PROZ: variants seen among roughly 807,000 people sequenced by gnomAD.
PROZ encodes vitamin K-dependent protein Z.
In PROZ, 46 loss-of-function variants were observed where a neutral mutation model predicts 34.9. That is an observed-to-expected ratio of 1.32 (90% CI 1.04 to 1.69). PROZ has a LOEUF of 1.69. Among genes scored for constraint, PROZ ranks in the 40% most tolerant of loss-of-function variants. The probability of loss-of-function intolerance (pLI) is 0.00; values close to 1 mark genes in which losing one functional copy is unlikely to be tolerated. For synonymous variants in PROZ, 195 were observed against 208.5 expected (o/e 0.94, Z 0.56); for missense variants, 530 against 520.4 (o/e 1.02, Z -0.18).
rs765665231 is a variant in PROZ, at chr13:113,171,729, C to A, written c.827C>A (p.Ala276Glu). The change falls in exon 8 of 8, where the codon GCG becomes GAG. Residue 276 changes from alanine (A) to glutamate (E), a missense_variant. Transcript: ENST00000375547. The surrounding 1 kb of genome is among the most constrained non-coding windows in gnomAD (Gnocchi z 5.1). The part of the protein sequence containing the change: ...ELEWPIQCPG[A>E]GLPVCTPEKD... ...GAGTGGCCCATCCAGTGCCCAGGTG[C>A]GGGGCTCCCCGTGTGCACCCCTGAG... is the stretch of plus-strand genomic sequence containing the variant. 5 of 1,612,004 alleles carry A rather than the reference C, an allele frequency of 3.1e-6. No individual in the cohort carries two copies. In the Admixed American group the frequency reaches 6.7e-5, roughly 22 times the overall value.
chr13:113,159,052 G>C lies in PROZ; in HGVS notation c.70+322G>C. On this transcript the variant is annotated intron_variant, in intron 1 of 7. Transcript: ENST00000375547. This position sits in a 1 kb window ranked among gnomAD's most constrained non-coding sequence, Gnocchi z 4.6. ...GGGAGGCCTGGGTTGGGCATTGGAC[G>C]AGGGGAGGGGGTGGGGCAGGCTGAG... is the stretch of plus-strand genomic sequence containing the variant. The C allele has an allele frequency of 2.9e-6, 2 of 683,100 alleles. No homozygotes were observed. The allele number at this position is 683,100 out of a possible 1,614,324, so 42.3% of individuals were successfully genotyped here.
At chr13:113,163,419 TG>T (rs904063507) in intron 4 of PROZ, among the ~76,000 whole-genome samples, 4 of 151,932 alleles carry the variant, frequency 2.6e-5, no homozygotes, top group South Asian at 2.1e-4. Context: ...GCTCACAGGC[TG>T]GGGGGGTCAC....
At chr13:113,165,214 C>T (rs2036890013) in intron 6 of PROZ, 94 bp downstream of exon 6, 1 of 1,330,206 alleles carries the variant, frequency 7.5e-7, no homozygotes, top group Non-Finnish European at 1.1e-6. Flanking sequence ...CTAAGTGAAT[C>T]AGGCATCCTG....
rs1235222119 is a variant in PROZ, at chr13:113,170,318, TG to T, written c.574-88del. The stretch of plus-strand genomic sequence containing the variant: ...CTTTGGCGGGGGGTGGGGGTGGGGG[TG>T]GGGGGGTGGTCCATATCCCTATCCA... On this transcript the variant is annotated intron_variant, in intron 6 of 7. Transcript: ENST00000375547. 1,228 of 597,570 alleles carry T rather than the reference TG, an allele frequency of 2.1e-3. 6 individuals carry two copies. In the African/African-American group the frequency reaches 0.039, roughly 19 times the overall value. 37.0% of individuals were successfully genotyped at this position (597,570 alleles called of 1,614,324 possible).
In PROZ at chr13:113,164,660, A is replaced by G. The variant is rs748252384; in HGVS notation, c.505+16A>G. On this transcript the variant is annotated intron_variant, in intron 5 of 7. Transcript: ENST00000375547. ...GTGCCCCACGGTGAGTGCTCAGACC[A>G]CAGCGGCCTCCAGCTTCCAATGCCA... The G allele has an allele frequency of 6.2e-7, 1 of 1,613,146 alleles. No homozygotes were observed. The highest frequency in any genetic ancestry group is 1.7e-5 in the Admixed American group (1 of 59,990).
chr13:113,172,035 G>T lies in PROZ; in HGVS notation c.1133G>T (p.Gly378Val), dbSNP rs761190093. Reference sequence around the variant, plus strand: ...GTCCTGGGCTCGCAGCCAGTAGGAGGGCAGGCTCACATGGTCCTTGTCACC... The same window carrying T: ...GTCCTGGGCTCGCAGCCAGTAGGAGTGCAGGCTCACATGGTCCTTGTCACC... ...TGVLGSQPVG[G>V]QAHMVLVTKV... Residue 378 changes from glycine to valine, a missense_variant, in exon 8 of 8, where the codon GGG becomes GTG. By Grantham distance (109) the Gly-to-Val change is moderately radical. Coordinates refer to ENST00000375547, the MANE Select transcript of PROZ (RefSeq NM_003891.3). 1.2e-6 allele frequency: 2 copies of T among 1,613,006 alleles called. No homozygotes were observed. Among genetic ancestry groups the T allele is most frequent in the African/African-American group, 2.7e-5 (2 of 74,926 alleles).
chr13:113,170,473 T>TTGCTG lies in PROZ; in HGVS notation c.635_636insGCTGT (p.Phe212LeufsTer5), dbSNP rs1389028789. On this transcript the variant is annotated frameshift_variant, in exon 7 of 8. Transcript: ENST00000375547. LOFTEE classifies it high-confidence loss of function. Reference sequence around the variant, plus strand: ...TGGTGGTGTTATAATACGGGAAAATTTTGTACTGACAACAGCAAAATGTTC... The same window carrying TTGCTG: ...TGGTGGTGTTATAATACGGGAAAATTTGCTGTTGTACTGACAACAGCAAAATGTTC... 1.9e-6 allele frequency: 3 copies of TTGCTG among 1,611,562 alleles called. No homozygotes were observed. The highest frequency in any genetic ancestry group is 2.5e-6 in the Non-Finnish European group (3 of 1,177,708).
intron 6 of PROZ, among the ~76,000 whole-genome samples, chr13:113,167,786 T>A (rs2036983719): frequency 6.6e-6 from 1 of 152,012 alleles, no homozygotes; most frequent in African/African-American, 2.4e-5. Context: ...TTACATTTAT[T>A]GTAATTGTCG....
chr13:113,162,980 CCACCCCAA>C (rs762229856), intron 3 of PROZ, 21 bp from the exon 4 acceptor site: 26 of 1,449,336 alleles, frequency 1.8e-5, no homozygotes, highest in Non-Finnish European at 2.3e-5. Context: ...CCTGTCACCA[CCACCCCAA>C]CCCCCATCCT....
chr13:113,166,883 GT>G (rs1311073470), intron 6 of PROZ, among the ~76,000 whole-genome samples: 3 of 152,116 alleles, frequency 2.0e-5, no homozygotes, highest in Non-Finnish European at 4.4e-5. Context: ...TGCGGTTCTA[GT>G]CTGCAACCGT....
rs2037112257 is a variant in PROZ at position 113,171,563 on chromosome 13, G to A, written c.692-31G>A. 1.2e-6 allele frequency: 2 copies of A among 1,613,708 alleles called. No individual in the cohort carries two copies. The highest frequency in any genetic ancestry group is 3.3e-4 in the Middle Eastern group (2 of 6,062). ...ATTATGTCCCCTTGAAAATCAGACT[G>A]TAAAGAACTGACGATTGTTCATGAT... is the stretch of plus-strand genomic sequence containing the variant. On this transcript the variant is annotated intron_variant, in intron 7 of 7. Transcript: ENST00000375547. This position sits in a 1 kb window ranked among gnomAD's most constrained non-coding sequence, Gnocchi z 5.1.
intron 3 of PROZ, among the ~76,000 whole-genome samples, chr13:113,161,329 C>T (rs1020526675): frequency 2.0e-5 from 3 of 152,176 alleles, no homozygotes; most frequent in Admixed American, 6.5e-5. Context: ...GGTCAGAACT[C>T]GTCTCAAATT....
At chr13:113,170,101 A>G (rs1233825154) in intron 6 of PROZ, among the ~76,000 whole-genome samples, 7 of 152,196 alleles carry the variant, frequency 4.6e-5, no homozygotes, top group Admixed American at 4.6e-4. Flanking sequence ...GAAAACCATC[A>G]TTCCATAGAT....
chr13:113,163,689 G>A (rs2036820495), intron 4 of PROZ, among the ~76,000 whole-genome samples: 1 of 151,948 alleles, frequency 6.6e-6, no homozygotes, highest in Non-Finnish European at 1.5e-5. Context: ...CCCAGCTAAT[G>A]CCTTCACAGA....
At position 113,170,577 on chromosome 13, in the gene PROZ, C is replaced by T. The variant is rs200891527; in HGVS notation, c.691+47C>T. ...TTTATAAAACCACATTGGAAATACA[C>T]TATCCTATGTAAGAATGAAATGACA... On this transcript the variant is annotated intron_variant, in intron 7 of 7. Transcript: ENST00000375547. 233 of 1,104,710 alleles carry T rather than the reference C, an allele frequency of 2.1e-4. 1 individual carries two copies. In the African/African-American group the frequency reaches 3.2e-3, roughly 15 times the overall value. 68.4% of individuals were successfully genotyped at this position (1,104,710 alleles called of 1,614,324 possible). A position where few individuals can be genotyped will look rare whatever the true frequency, so the allele number is the denominator to read the frequency against.
chr13:113,158,781 CTCGG>C lies in PROZ; in HGVS notation c.70+54_70+57del. On this transcript the variant is annotated intron_variant, in intron 1 of 7. Coordinates refer to ENST00000375547, the MANE Select transcript of PROZ (RefSeq NM_003891.3). The surrounding 1 kb of genome is among the most constrained non-coding windows in gnomAD (Gnocchi z 4.3). ...TGTGCCTGTGCTGTGTCTTTCTTGA[CTCGG>C]TCCATGGTGGATTTGTAGATGAGGC... is the stretch of plus-strand genomic sequence containing the variant. 1 of 1,524,048 alleles carries C rather than the reference CTCGG, an allele frequency of 6.6e-7. No individual in the cohort carries two copies. The highest frequency in any genetic ancestry group is 8.9e-7 in the Non-Finnish European group (1 of 1,121,326). The allele number at this position is 1,524,048 out of a possible 1,614,324, so 94.4% of individuals were successfully genotyped here.
intron 3 of PROZ, among the ~76,000 whole-genome samples, chr13:113,161,695 G>A (rs1172633875): frequency 6.6e-6 from 1 of 152,048 alleles, no homozygotes; most frequent in Non-Finnish European, 1.5e-5. Context: ...GCGTCCTGGG[G>A]GCCAGGCGAT....
chr13:113,164,186 G>C (rs1210938381), intron 4 of PROZ, among the ~76,000 whole-genome samples: 1 of 151,958 alleles, frequency 6.6e-6, no homozygotes, highest in South Asian at 2.1e-4. Flanking sequence ...CACCATGTTG[G>C]CCAGGCTGGT....
At chr13:113,165,270 T>G (rs966074852) in intron 6 of PROZ, 150 bp downstream of exon 6, 11 of 758,198 alleles carry the variant, frequency 1.5e-5, no homozygotes, top group Admixed American at 4.0e-5. Context: ...TATTCACACT[T>G]CCAACCATGT....
Sources: gnomAD v4.1 joint callset for allele counts (sites outside exome capture counted in the v4.1 genomes callset) on GRCh38, gnomAD v4.1.1 for gene constraint, Gnocchi (gnomAD v3.1) non-coding constraint, MANE v1.5 for transcripts, NCBI Gene and HGNC (gene_info 2026-07-23, HGNC 2026-07-21) for gene names.